HGS: variants seen among roughly 807,000 people sequenced by gnomAD.
The protein encoded by HGS is hepatocyte growth factor-regulated tyrosine kinase substrate.
Under a neutral mutation model 109.7 loss-of-function variants are expected in HGS, and 63 were observed. That is an observed-to-expected ratio of 0.57 (90% CI 0.47 to 0.71). The LOEUF is 0.71. Ranked by LOEUF, HGS falls within the 30% of genes least tolerant of loss-of-function variation. HGS has a pLI of 0.00. For missense variants in HGS, 995 were observed against 1,068.3 expected (o/e 0.93, Z 0.96); for synonymous variants, 546 against 437.3 (o/e 1.25, Z -3.10).
rs766958884 is a variant in HGS at position 81,693,508 on chromosome 17, C to T, written c.668C>T (p.Ala223Val). 24 of 1,612,410 alleles carry T rather than the reference C, an allele frequency of 1.5e-5. No individual in the cohort carries two copies. Among genetic ancestry groups the T allele is most frequent in the African/African-American group, 6.7e-5 (5 of 74,868 alleles). ...EPCYEQLNRK[A>V]EGKATSTTEL... ...AGCATTCCTTGTGCCCACAGGAAAG[C>T]GGAGGGAAAGGCCACTTCCACCACT... The change falls in exon 9 of 22, where the codon GCG becomes GTG. Residue 223 changes from alanine (A) to valine (V), a missense_variant. Ala to Val is a moderately conservative substitution (Grantham distance 64). This residue lies in a region of HGS where 182 missense variants were observed against 261.3 expected (regional missense o/e 0.70). Transcript: ENST00000329138.
chr17:81,695,814 A>G lies in HGS; in HGVS notation c.1208A>G (p.Glu403Gly). 1 of 1,613,478 alleles carries G rather than the reference A, an allele frequency of 6.2e-7. No individual in the cohort carries two copies. Among genetic ancestry groups the G allele is most frequent in the Non-Finnish European group, 8.5e-7 (1 of 1,180,000 alleles). The part of the protein sequence containing the change: ...EPQFHNGESE[E>G]SHEQFLKALQ... ...CAGTTCCACAATGGCGAGTCTGAGG[A>G]GAGCCACGAGCAGTTCCTGAAGGCG... Residue 403 changes from glutamate (E) to glycine (G), a missense_variant, in exon 15 of 22, where the codon GAG (glutamate) becomes GGG (glycine). Glu to Gly is a moderately conservative substitution (Grantham distance 98). Around this residue, in one of 6 missense-constraint regions of HGS, gnomAD observed 300 missense variants for 235.4 expected, o/e 1.27. Transcript: ENST00000329138.
chr17:81,693,888 A>G lies in HGS; in HGVS notation c.859A>G (p.Thr287Ala). Residue 287 changes from threonine (T) to alanine (A), a missense_variant, in exon 11 of 22, where the codon ACT becomes GCT. Thr to Ala is a moderately conservative substitution (Grantham distance 58). Coordinates refer to ENST00000329138, the MANE Select transcript of HGS (RefSeq NM_004712.5). ...KERLRQKSTY[T>A]SYPKAEPMPS... ...GCCTCAGAGACAGAAGTCCACGTAC[A>G]CTTCGTACCCCAAGGCGGAGCCCAT... The G allele has an allele frequency of 1.2e-6, 2 of 1,610,444 alleles. No individual in the cohort carries two copies. The highest frequency in any genetic ancestry group is 1.1e-5 in the South Asian group (1 of 90,956).
intron 21 of HGS, 117 bp from the exon 22 acceptor site, chr17:81,701,391 A>C: frequency 8.8e-7 from 1 of 1,135,660 alleles, no homozygotes; most frequent in Non-Finnish European, 1.2e-6. Flanking sequence ...CATGAGCTGC[A>C]GTCCGTGGAC....
intron 18 of HGS, among the ~76,000 whole-genome samples, chr17:81,698,780 T>C (rs560645707): frequency 6.6e-6 from 1 of 152,214 alleles, no homozygotes; most frequent in African/African-American, 2.4e-5. Context: ...ATAAAAACCG[T>C]GAGTGCAGCC....
chr17:81,701,152 C>T (rs779178752), intron 21 of HGS, 21 bp downstream of exon 21: 2 of 1,602,176 alleles, frequency 1.2e-6, no homozygotes, highest in Admixed American at 1.7e-5. Context: ...CCCGGGGCCT[C>T]ACAGCGGCAC....
chr17:81,695,347 GC>G, intron 14 of HGS, 124 bp downstream of exon 14: 2 of 1,045,340 alleles, frequency 1.9e-6, no homozygotes, highest in South Asian at 2.8e-5. Context: ...GTCTGCCCCA[GC>G]CCAGCCCTGG....
chr17:81,686,780 G>T (rs2036986342), intron 3 of HGS, among the ~76,000 whole-genome samples: 1 of 151,768 alleles, frequency 6.6e-6, no homozygotes, highest in Non-Finnish European at 1.5e-5. Context: ...GTTCCCCACC[G>T]GCCACTGACG....
intron 18 of HGS, chr17:81,697,349 G>GCCCCCCCC (rs59387473): frequency 2.9e-4 from 18 of 61,804 alleles, no homozygotes; most frequent in African/African-American, 9.9e-4. Flanking sequence ...CGTGGCATTT[G>GCCCCCCCC]CCCCCCCCCC....
intron 5 of HGS, 133 bp downstream of exon 5, chr17:81,688,960 G>A: frequency 1.6e-6 from 2 of 1,234,520 alleles, no homozygotes; most frequent in Non-Finnish European, 2.3e-6. Flanking sequence ...GCGGTGGCCT[G>A]GAGCCAGGGA....
At chr17:81,692,304 TCTCG>T (rs2037076732) in intron 8 of HGS, 2 of 152,236 alleles carry the variant, frequency 1.3e-5, no homozygotes, top group East Asian at 3.9e-4. Flanking sequence ...TGCCTCCCTG[TCTCG>T]CTCCGTGGAC....
Position 81,691,763 on chromosome 17 carries a change from G to A in HGS, c.662+192G>A. 1.6e-6 allele frequency: 1 copy of A among 621,560 alleles called. No individual in the cohort carries two copies. The allele number at this position is 621,560 out of a possible 1,614,324, so 38.5% of individuals were successfully genotyped here. A position where few individuals can be genotyped will look rare whatever the true frequency, so the allele number is the denominator to read the frequency against. On this transcript the variant is annotated intron_variant, in intron 8 of 21. Coordinates refer to ENST00000329138, the MANE Select transcript of HGS (RefSeq NM_004712.5). This position sits in a 1 kb window ranked among gnomAD's most constrained non-coding sequence, Gnocchi z 5.3. ...CTGCCCCACACTAGGGCAGGTGGGT[G>A]TGAGAGACAGGGCGCCGCGGCTCCA...
chr17:81,697,478 TCCACGCGGTGA>T (rs2047082006), intron 18 of HGS: 1 of 153,652 alleles, frequency 6.5e-6, no homozygotes, highest in Non-Finnish European at 1.4e-5. Flanking sequence ...GTCTGGTGTC[TCCACGCGGTGA>T]CCATAAGGCT....
chr17:81,688,172 G>A (rs1409592891), intron 4 of HGS, among the ~76,000 whole-genome samples: 3 of 152,346 alleles, frequency 2.0e-5, no homozygotes, highest in Admixed American at 6.5e-5. Flanking sequence ...CGGCGTCCCC[G>A]AGAGGGCCGT....
At chr17:81,688,908 G>A (rs1168158263) in intron 5 of HGS, 81 bp downstream of exon 5, 9 of 1,569,730 alleles carry the variant, frequency 5.7e-6, no homozygotes, top group Non-Finnish European at 7.9e-6. Flanking sequence ...GTGGCGAGGG[G>A]CCTGGGAAGA....
intron 6 of HGS, 37 bp from the exon 7 acceptor site, chr17:81,690,637 C>T (rs759529714): frequency 1.5e-5 from 24 of 1,589,004 alleles, no homozygotes; most frequent in Admixed American, 8.6e-5. Flanking sequence ...GCTGGTGGGG[C>T]GGGAAGCGTG....
chr17:81,692,483 C>T (rs545677164), intron 8 of HGS: 1 of 152,392 alleles, frequency 6.6e-6, no homozygotes, highest in South Asian at 2.1e-4. Context: ...GTTCCTTTTC[C>T]TTCTTGTAAC....
Position 81,685,663 on chromosome 17 carries a change from C to T in HGS, c.96C>T (p.Cys32=), listed in dbSNP as rs142303254. Residue 32 remains cysteine, a synonymous_variant, in exon 2 of 22, where the codon TGC becomes TGT. Transcript: ENST00000329138. ...ETDWESILQI[C]DLIRQGDTQA... ...ATTGGGAGTCCATTTTGCAGATCTGCGACCTGATCCGCCAAGGGGACACAC... is the reference window on the plus strand; with the variant it reads ...ATTGGGAGTCCATTTTGCAGATCTGTGACCTGATCCGCCAAGGGGACACAC... 11 of 1,611,938 alleles carry T rather than the reference C, an allele frequency of 6.8e-6. No individual in the cohort carries two copies. The highest frequency in any genetic ancestry group is 5.3e-5 in the African/African-American group (4 of 74,842).
Position 81,690,227 on chromosome 17 carries a change from C to T in HGS, c.461C>T (p.Ala154Val), listed in dbSNP as rs966395961. 6.2e-7 allele frequency: 1 copy of T among 1,613,828 alleles called. No individual in the cohort carries two copies. The highest frequency in any genetic ancestry group is 8.5e-7 in the Non-Finnish European group (1 of 1,179,818). The change falls in exon 6 of 22, where the codon GCC becomes GTC. Residue 154 changes from alanine (A) to valine (V), a missense_variant. Ala to Val is a moderately conservative substitution (Grantham distance 64). Coordinates refer to ENST00000329138, the MANE Select transcript of HGS (RefSeq NM_004712.5). ...AAAGAGAGCGATGCCATGTTTGCTG[C>T]CGAGAGAGTGAGTGTGGGCGGCCGC... Reference protein sequence around the residue: ...EFKESDAMFAAERAPDWVDAE... With the variant: ...EFKESDAMFAVERAPDWVDAE...
rs950961406 is a variant in HGS at position 81,687,385 on chromosome 17, T to C, written c.291+290T>C. Among the ~76,000 whole-genome samples the C allele has an allele frequency of 2.0e-5, 3 of 152,066 alleles. No homozygotes were observed. The East Asian group carries it at 5.8e-4, about 29-fold the overall frequency. On this transcript the variant is annotated intron_variant, in intron 4 of 21. Coordinates refer to ENST00000329138, the MANE Select transcript of HGS (RefSeq NM_004712.5). Reference sequence around the variant, plus strand: ...GGGGGAAGCTTCCGGGAGGCAGGGCTTGGGCACCTGCTGTCTTAGGGAAGG... The same window carrying C: ...GGGGGAAGCTTCCGGGAGGCAGGGCCTGGGCACCTGCTGTCTTAGGGAAGG...
Sources: allele counts gnomAD v4.1 joint callset (sites outside exome capture counted in the v4.1 genomes callset), GRCh38; gene constraint gnomAD v4.1.1; regional missense constraint gnomAD v4.1.1; non-coding constraint Gnocchi (gnomAD v3.1); transcripts MANE v1.5; gene names NCBI Gene and HGNC (gene_info 2026-07-23, HGNC 2026-07-21).